Variants in ARHGAP32 observed in about 807,000 individuals in gnomAD.
ARHGAP32 encodes the protein rho GTPase-activating protein 32.
A neutral mutation model predicts 186.5 loss-of-function variants in ARHGAP32; 51 were observed. That is an observed-to-expected ratio of 0.27 (90% CI 0.22 to 0.35). The LOEUF (loss-of-function observed/expected upper bound fraction) is 0.35, where lower values mean the gene tolerates loss of function less well. ARHGAP32 is among the 10% of genes least tolerant of loss of function. The probability of loss-of-function intolerance (pLI) is 1.00; values close to 1 mark genes in which losing one functional copy is unlikely to be tolerated. For synonymous variants in ARHGAP32, 950 were observed against 964.3 expected (o/e 0.99, Z 0.27); for missense variants, 2,186 against 2,623.5 (o/e 0.83, Z 3.64).
At chr11:129,036,411 G>C (rs1261238873) in intron 11 of ARHGAP32, among the ~76,000 whole-genome samples, 2 of 136,528 alleles carry the variant, frequency 1.5e-5, no homozygotes. Context: ...AAAAAAGAGA[G>C]AAAGCACTTG....
At chr11:129,135,533 C>T (rs1942917028) in intron 2 of ARHGAP32, among the ~76,000 whole-genome samples, 1 of 151,948 alleles carries the variant, frequency 6.6e-6, no homozygotes, top group African/African-American at 2.4e-5. Context: ...TTTGGGAGGC[C>T]AAGGCTGGCG....
intron 1 of ARHGAP32, among the ~76,000 whole-genome samples, chr11:129,219,533 CAAGAG>C (rs1181483000): frequency 4.6e-5 from 7 of 152,114 alleles, no homozygotes; most frequent in African/African-American, 1.7e-4. Flanking sequence ...AAGCAGCACA[CAAGAG>C]TAGAGAACTA....
chr11:129,147,720 A>C, intron 2 of ARHGAP32, among the ~76,000 whole-genome samples: 1 of 152,224 alleles, frequency 6.6e-6, no homozygotes, highest in East Asian at 1.9e-4. Flanking sequence ...AGAGTATGGT[A>C]ATTTTTGAAT....
chr11:129,105,530 A>C (rs1273129144), intron 5 of ARHGAP32, among the ~76,000 whole-genome samples: 2 of 152,204 alleles, frequency 1.3e-5, no homozygotes, highest in African/African-American at 4.8e-5. Flanking sequence ...ACAAAACACT[A>C]CCTAAACACA....
chr11:129,174,063 G>A (rs1399095291), intron 1 of ARHGAP32, among the ~76,000 whole-genome samples: 2 of 152,208 alleles, frequency 1.3e-5, no homozygotes, highest in South Asian at 2.1e-4. Context: ...CCAGACAGTG[G>A]GCACAGGACA....
chr11:128,968,688 G>C lies in ARHGAP32; in HGVS notation c.*219C>G, dbSNP rs1350095924. The C allele has an allele frequency of 3.0e-5, 12 of 393,676 alleles. No individual in the cohort carries two copies. The highest frequency in any genetic ancestry group is 5.2e-5 in the Non-Finnish European group (12 of 230,152). 24.4% of individuals were successfully genotyped at this position (393,676 alleles called of 1,614,324 possible). A position where few individuals can be genotyped will look rare whatever the true frequency, so the allele number is the denominator to read the frequency against. On this transcript the variant is annotated 3_prime_UTR_variant, in exon 23 of 23. Transcript: ENST00000682385. ...CAGCACGGGGCTTTACCATCCTTCA[G>C]ATCTTTTCTAAAGACAAAAATGACA... is the stretch of plus-strand genomic sequence containing the variant.
chr11:128,984,746 G>A (rs1267677169), intron 15 of ARHGAP32, among the ~76,000 whole-genome samples: 1 of 152,018 alleles, frequency 6.6e-6, no homozygotes, highest in Non-Finnish European at 1.5e-5. Context: ...AGGCAAAGTG[G>A]ATAATATTAG....
intron 22 of ARHGAP32, 48 bp from the exon 23 acceptor site, chr11:128,971,207 G>T: frequency 1.3e-6 from 2 of 1,488,212 alleles, no homozygotes; most frequent in South Asian, 1.3e-5. Context: ...TTCCCTCTAT[G>T]AATCAAGTAC....
chr11:128,969,813 C>G lies in ARHGAP32; in HGVS notation c.5400G>C (p.Gly1800=). 6.2e-7 allele frequency: 1 copy of G among 1,614,206 alleles called. No homozygotes were observed. Among genetic ancestry groups the G allele is most frequent in the Admixed American group, 1.7e-5 (1 of 60,026 alleles). The part of the protein sequence containing the change: ...MTPAVQDDLG[G]IYVIHLRSKS... ...TACTACGCAGATGGATGACATAGAT[C>G]CCACCCAAGTCGTCCTGCACCGCCG... Residue 1800 remains glycine (G), a synonymous_variant, in exon 23 of 23, where the codon GGG becomes GGC. Transcript: ENST00000682385. The surrounding 1 kb of genome is among the most constrained non-coding windows in gnomAD (Gnocchi z 4.8).
At chr11:129,166,060 T>C (rs1943633976) in intron 1 of ARHGAP32, among the ~76,000 whole-genome samples, 1 of 152,158 alleles carries the variant, frequency 6.6e-6, no homozygotes, top group Non-Finnish European at 1.5e-5. Context: ...TAAAATCAAA[T>C]GTTCATTTTA....
chr11:128,969,232 G>A lies in ARHGAP32; in HGVS notation c.5981C>T (p.Pro1994Leu). The A allele has an allele frequency of 6.2e-7, 1 of 1,614,116 alleles. No individual in the cohort carries two copies. The highest frequency in any genetic ancestry group is 8.5e-7 in the Non-Finnish European group (1 of 1,179,984). Residue 1994 changes from proline (P) to leucine (L), a missense_variant, in exon 23 of 23, where the codon CCC becomes CTC. This residue lies in a region of ARHGAP32 where 1,502 missense variants were observed against 1,570.0 expected (regional missense o/e 0.96). Transcript: ENST00000682385. This position sits in a 1 kb window ranked among gnomAD's most constrained non-coding sequence, Gnocchi z 4.8. ...EEHLTQSIVP[P>L]PKPERSHSLK... ...GCTATGACTCCTCTCTGGTTTAGGG[G>A]GTGGGACGATTGACTGAGTGAGGTG... is the stretch of plus-strand genomic sequence containing the variant.
At chr11:129,029,801 C>CAAAA (rs34762356) in intron 11 of ARHGAP32, among the ~76,000 whole-genome samples, 3,086 of 46,850 alleles carry the variant, frequency 0.066, 916 homozygotes, top group African/African-American at 0.094. Flanking sequence ...GACTCCGTCT[C>CAAAA]AAAAAAAAAA....
At chr11:129,124,693 C>T (rs1277451460) in intron 3 of ARHGAP32, 110 bp downstream of exon 3, 4 of 738,736 alleles carry the variant, frequency 5.4e-6, no homozygotes, top group South Asian at 2.2e-5. Flanking sequence ...AGCAGTTGCA[C>T]AGTAACAGCA....
rs1591633828 is a variant in ARHGAP32 at position 129,123,601 on chromosome 11, A to G, written c.360-71T>C. On this transcript the variant is annotated intron_variant, in intron 4 of 22. Coordinates refer to ENST00000682385, the MANE Select transcript of ARHGAP32 (RefSeq NM_001378024.1). This position sits in a 1 kb window ranked among gnomAD's most constrained non-coding sequence, Gnocchi z 4.6. ...AAATTACTAAGTTTAAGGGAAAAATACAGTGGATTTAAGAGCTCATGCAAG... is the reference window on the plus strand; with the variant it reads ...AAATTACTAAGTTTAAGGGAAAAATGCAGTGGATTTAAGAGCTCATGCAAG... 7.1e-7 allele frequency: 1 copy of G among 1,410,192 alleles called. No homozygotes were observed. The highest frequency in any genetic ancestry group is 2.4e-5 in the East Asian group (1 of 42,504). 87.4% of individuals were successfully genotyped at this position (1,410,192 alleles called of 1,614,324 possible).
chr11:129,027,245 T>A (rs1938899565), intron 11 of ARHGAP32, among the ~76,000 whole-genome samples: 1 of 152,122 alleles, frequency 6.6e-6, no homozygotes, highest in African/African-American at 2.4e-5. Flanking sequence ...GTCACCATCA[T>A]CTCTCACCTG....
At chr11:129,188,547 C>T (rs768748253) in intron 1 of ARHGAP32, among the ~76,000 whole-genome samples, 1 of 152,152 alleles carries the variant, frequency 6.6e-6, no homozygotes, top group African/African-American at 2.4e-5. Context: ...TAGCTTCTAA[C>T]TTGTGGCATC....
At chr11:129,237,816 T>G (rs954793627) in intron 1 of ARHGAP32, among the ~76,000 whole-genome samples, 3 of 152,066 alleles carry the variant, frequency 2.0e-5, no homozygotes, top group African/African-American at 7.2e-5. Context: ...GGAACATGAC[T>G]CTCCTTACAC....
chr11:129,173,198 T>G (rs1246116018), intron 1 of ARHGAP32, among the ~76,000 whole-genome samples: 1 of 151,498 alleles, frequency 6.6e-6, no homozygotes, highest in Middle Eastern at 3.2e-3. Context: ...ACAAATAAAC[T>G]AGAAAATCTA....
intron 10 of ARHGAP32, among the ~76,000 whole-genome samples, chr11:129,056,924 C>T (rs1281322207): frequency 1.3e-5 from 2 of 152,130 alleles, no homozygotes; most frequent in Non-Finnish European, 2.9e-5. Context: ...ACTAAGTCAT[C>T]TCAATCCCTA....
Sources: gnomAD v4.1 joint callset for allele counts (sites outside exome capture counted in the v4.1 genomes callset) on GRCh38, gnomAD v4.1.1 for gene constraint, gnomAD v4.1.1 regional missense constraint, Gnocchi (gnomAD v3.1) non-coding constraint, MANE v1.5 for transcripts, NCBI Gene and HGNC (gene_info 2026-07-23, HGNC 2026-07-21) for gene names.